Variants in GAREM1 observed in about 807,000 individuals in gnomAD.
The protein encoded by GAREM1 is GRB2-associated and regulator of MAPK protein 1.
GAREM1 carries 26 observed loss-of-function variants against 71.3 expected under a neutral mutation model. The ratio of observed to expected loss-of-function variants is 0.36; its 90% CI spans 0.27 to 0.51. The LOEUF (loss-of-function observed/expected upper bound fraction) is 0.51, where lower values mean the gene tolerates loss of function less well. GAREM1 is among the 20% of genes least tolerant of loss of function. The pLI is 0.95. For missense variants in GAREM1, 1,026 were observed against 1,103.1 expected, an observed-to-expected ratio of 0.93 and a Z score of 0.99; for synonymous variants, 440 against 433.2, an observed-to-expected ratio of 1.02 and a Z score of -0.20.
chr18:32,358,424 G>A (rs2047827257), intron 2 of GAREM1, among the ~76,000 whole-genome samples: 1 of 151,930 alleles, frequency 6.6e-6, no homozygotes, highest in African/African-American at 2.4e-5. Context: ...ACACCTCAGG[G>A]CCACCACAGA....
intron 2 of GAREM1, among the ~76,000 whole-genome samples, chr18:32,334,598 T>C (rs985477471): frequency 2.0e-5 from 3 of 152,156 alleles, no homozygotes; most frequent in African/African-American, 7.2e-5. Flanking sequence ...GAACAGGAGA[T>C]AGTAAAAGAT....
intron 1 of GAREM1, among the ~76,000 whole-genome samples, chr18:32,423,432 C>T (rs1047139963): frequency 6.6e-6 from 1 of 152,114 alleles, no homozygotes; most frequent in African/African-American, 2.4e-5. Flanking sequence ...TTCTGTTTAT[C>T]CTTATATCTT....
At chr18:32,334,064 T>TCC in intron 2 of GAREM1, among the ~76,000 whole-genome samples, 1 of 152,334 alleles carries the variant, frequency 6.6e-6, no homozygotes, top group African/African-American at 2.4e-5. Flanking sequence ...AGGAACATTG[T>TCC]GACATTGCAG....
intron 2 of GAREM1, among the ~76,000 whole-genome samples, chr18:32,353,930 A>C (rs1442729815): frequency 6.6e-6 from 1 of 152,218 alleles, no homozygotes; most frequent in African/African-American, 2.4e-5. Flanking sequence ...TTAGATTATA[A>C]AATCTCTGAA....
intron 1 of GAREM1, among the ~76,000 whole-genome samples, chr18:32,462,940 C>G (rs2048965631): frequency 1.3e-5 from 2 of 151,974 alleles, no homozygotes; most frequent in Admixed American, 1.3e-4. Context: ...AGCGGGGCAA[C>G]TGGGGGAGGT....
intron 2 of GAREM1, among the ~76,000 whole-genome samples, chr18:32,344,185 A>G (rs1177550478): frequency 1.3e-5 from 2 of 151,994 alleles, no homozygotes; most frequent in African/African-American, 4.8e-5. Context: ...CCAGTCCCCA[A>G]CTGTAGGCTG....
chr18:32,332,476 G>A (rs1419335199), intron 2 of GAREM1, among the ~76,000 whole-genome samples: 1 of 152,132 alleles, frequency 6.6e-6, no homozygotes, highest in Non-Finnish European at 1.5e-5. Context: ...CGGAAGGGTG[G>A]CATGCAGAAG....
chr18:32,379,542 TA>T (rs2048072286), intron 2 of GAREM1, among the ~76,000 whole-genome samples: 1 of 142,878 alleles, frequency 7.0e-6, no homozygotes, highest in Non-Finnish European at 1.5e-5. Context: ...CCATCTCTAC[TA>T]AAATACAAAA....
At chr18:32,276,510 G>A (rs1199508787) in intron 4 of GAREM1, among the ~76,000 whole-genome samples, 1 of 152,234 alleles carries the variant, frequency 6.6e-6, no homozygotes, top group Non-Finnish European at 1.5e-5. Flanking sequence ...GATAAGACAA[G>A]TATGTGCAAG....
In GAREM1 at chr18:32,449,691, C is replaced by A. The variant is rs142105572; in HGVS notation, c.121+20617G>T. ...AAAACAAAGGGTTGGGGGGCAGGCA[C>A]GGTAGAAGTTTAATAAATATTCTTT... On this transcript the variant is annotated intron_variant, in intron 1 of 5. Coordinates refer to ENST00000269209, the MANE Select transcript of GAREM1 (RefSeq NM_001242409.2). Among the ~76,000 whole-genome samples, 1,175 of 152,092 alleles carry A rather than the reference C, an allele frequency of 7.7e-3. 9 individuals are homozygous for A. Among genetic ancestry groups the A allele is most frequent in the Middle Eastern group, 0.031 (9 of 294 alleles).
intron 1 of GAREM1, chr18:32,412,977 T>G: frequency 6.6e-7 from 1 of 1,508,114 alleles, no homozygotes; most frequent in Non-Finnish European, 9.1e-7. Flanking sequence ...TGCATCCACC[T>G]CCTCCACAGT....
chr18:32,322,750 A>T (rs189224331), intron 2 of GAREM1, among the ~76,000 whole-genome samples: 53 of 152,330 alleles, frequency 3.5e-4, no homozygotes, highest in African/African-American at 1.2e-3. Context: ...AGTCCAACAT[A>T]ATCTGTGAAG....
chr18:32,283,074 G>C (rs1256027519), intron 4 of GAREM1, among the ~76,000 whole-genome samples: 3 of 152,156 alleles, frequency 2.0e-5, no homozygotes, highest in Non-Finnish European at 4.4e-5. Context: ...TTTTAAAAAG[G>C]GAAAATGCCA....
intron 1 of GAREM1, among the ~76,000 whole-genome samples, chr18:32,439,799 T>C (rs569676423): frequency 2.0e-4 from 31 of 152,066 alleles, no homozygotes; most frequent in Non-Finnish European, 4.3e-4. Context: ...TAAGTCTCAA[T>C]CAGCCACCAA....
chr18:32,270,871 C>T (rs753444015), intron 4 of GAREM1, among the ~76,000 whole-genome samples: 3 of 148,854 alleles, frequency 2.0e-5, no homozygotes, highest in Non-Finnish European at 4.4e-5. Flanking sequence ...AGAGCTAAAG[C>T]TCCTTCTGAA....
chr18:32,470,228 C>T lies in GAREM1; in HGVS notation c.121+80G>A. The T allele has an allele frequency of 7.5e-7, 1 of 1,330,888 alleles. No homozygotes were observed. Among genetic ancestry groups the T allele is most frequent in the Non-Finnish European group, 9.7e-7 (1 of 1,031,486 alleles). The allele number at this position is 1,330,888 out of a possible 1,614,324, so 82.4% of individuals were successfully genotyped here. On this transcript the variant is annotated intron_variant, in intron 1 of 5. Transcript: ENST00000269209. This position sits in a 1 kb window ranked among gnomAD's most constrained non-coding sequence, Gnocchi z 4.4. ...GGCAGCCCACTCCCCGCGGGTCCCA[C>T]CCTCTCCAGCACACGCGCGCACACC...
intron 1 of GAREM1, among the ~76,000 whole-genome samples, chr18:32,417,234 G>A (rs2048474082): frequency 6.6e-6 from 1 of 152,032 alleles, no homozygotes; most frequent in Non-Finnish European, 1.5e-5. Context: ...GCCGGCAAGG[G>A]CATGGAAAAA....
intron 2 of GAREM1, among the ~76,000 whole-genome samples, chr18:32,326,008 G>T (rs766090221): frequency 6.6e-6 from 1 of 152,172 alleles, no homozygotes; most frequent in Non-Finnish European, 1.5e-5. Flanking sequence ...CTATTATTCT[G>T]ATTTACTTAC....
At chr18:32,292,983 G>A (rs2047101680) in intron 3 of GAREM1, among the ~76,000 whole-genome samples, 1 of 152,056 alleles carries the variant, frequency 6.6e-6, no homozygotes, top group Admixed American at 6.6e-5. Context: ...GATGTCTTGC[G>A]AGTTACAGAG....
Sources: gnomAD v4.1 joint callset for allele counts (sites outside exome capture counted in the v4.1 genomes callset) on GRCh38, gnomAD v4.1.1 for gene constraint, Gnocchi (gnomAD v3.1) non-coding constraint, MANE v1.5 for transcripts, NCBI Gene and HGNC (gene_info 2026-07-23, HGNC 2026-07-21) for gene names.